Variants in PTPRD observed in about 807,000 individuals in gnomAD.
PTPRD encodes receptor-type tyrosine-protein phosphatase delta.
Under a neutral mutation model 214.5 loss-of-function variants are expected in PTPRD, and 34 were observed. The observed-to-expected ratio is 0.16, with a 90% confidence interval of 0.12 to 0.21. PTPRD has a LOEUF of 0.21. PTPRD is among the 10% of genes least tolerant of loss of function. The pLI is 1.00. For synonymous variants in PTPRD, 1,128 were observed against 845.7 expected, an observed-to-expected ratio of 1.33 and a Z score of -5.79; for missense variants, 2,545 against 2,398.7, an observed-to-expected ratio of 1.06 and a Z score of -1.27.
At chr9:9,919,635 C>T (rs189708061) in intron 5 of PTPRD, among the ~76,000 whole-genome samples, 1 of 152,230 alleles carries the variant, frequency 6.6e-6, no homozygotes, top group East Asian at 1.9e-4. Context: ...AAATTACAGA[C>T]TTTGGTAAGG....
chr9:9,636,857 G>A (rs1201346583), intron 7 of PTPRD, among the ~76,000 whole-genome samples: 1 of 152,078 alleles, frequency 6.6e-6, no homozygotes, highest in African/African-American at 2.4e-5. Context: ...TTGGAGGCTG[G>A]GAAGCCTAAG....
intron 8 of PTPRD, among the ~76,000 whole-genome samples, chr9:9,567,317 C>T (rs1013328072): frequency 2.6e-5 from 4 of 151,804 alleles, no homozygotes; most frequent in African/African-American, 9.7e-5. Context: ...GGTGAAGGCA[C>T]CAGATTGAGA....
At chr9:8,972,310 T>C (rs2099243379) in intron 11 of PTPRD, among the ~76,000 whole-genome samples, 2 of 151,874 alleles carry the variant, frequency 1.3e-5, no homozygotes, top group Non-Finnish European at 1.5e-5. Context: ...CTATTAGACA[T>C]GAATAAAATA....
chr9:9,931,838 T>G (rs2086734706), intron 5 of PTPRD, among the ~76,000 whole-genome samples: 3 of 150,930 alleles, frequency 2.0e-5, no homozygotes, highest in Admixed American at 2.0e-4. Context: ...TCTGACAGCT[T>G]TGAAGAGAGC....
At chr9:9,313,872 C>T (rs369480827) in intron 9 of PTPRD, among the ~76,000 whole-genome samples, 10 of 152,048 alleles carry the variant, frequency 6.6e-5, no homozygotes, top group African/African-American at 1.4e-4. Flanking sequence ...TTTAGTTTCA[C>T]GTGTTGATTT....
intron 12 of PTPRD, among the ~76,000 whole-genome samples, chr9:8,657,794 GT>G (rs891740961): frequency 2.6e-5 from 4 of 151,752 alleles, no homozygotes; most frequent in South Asian, 2.1e-4. Context: ...TGGCACATGG[GT>G]TTTTTTTAAA....
At chr9:10,522,916 T>C (rs867537797) in intron 2 of PTPRD, among the ~76,000 whole-genome samples, 3 of 152,030 alleles carry the variant, frequency 2.0e-5, no homozygotes, top group African/African-American at 7.2e-5. Flanking sequence ...ATTTCCTAAA[T>C]GAGAAGCTAG....
chr9:9,997,763 G>A (rs1357802925), intron 4 of PTPRD, among the ~76,000 whole-genome samples: 2 of 152,124 alleles, frequency 1.3e-5, no homozygotes, highest in East Asian at 3.9e-4. Flanking sequence ...GCTAATGTGG[G>A]TGATTAGAAA....
intron 5 of PTPRD, among the ~76,000 whole-genome samples, chr9:9,903,585 C>T (rs578057431): frequency 3.9e-5 from 6 of 152,162 alleles, no homozygotes; most frequent in African/African-American, 1.4e-4. Flanking sequence ...TGAGAAGCAG[C>T]TCTGTTAATA....
chr9:10,148,607 A>C (rs2099039942), intron 3 of PTPRD, among the ~76,000 whole-genome samples: 1 of 152,196 alleles, frequency 6.6e-6, no homozygotes, highest in African/African-American at 2.4e-5. Context: ...CAATTATATA[A>C]ATAGGTGCTA....
At chr9:9,261,012 C>T (rs2099979885) in intron 9 of PTPRD, among the ~76,000 whole-genome samples, 1 of 151,798 alleles carries the variant, frequency 6.6e-6, no homozygotes, top group Admixed American at 6.6e-5. Context: ...GCCATTGGTA[C>T]TGAAACTTAT....
At chr9:9,137,920 T>C (rs1003147868) in intron 10 of PTPRD, among the ~76,000 whole-genome samples, 3 of 152,156 alleles carry the variant, frequency 2.0e-5, no homozygotes, top group African/African-American at 7.2e-5. Context: ...TATATAATAT[T>C]TTGACTTTCC....
chr9:9,389,434 C>T (rs2065043574), intron 9 of PTPRD, among the ~76,000 whole-genome samples: 1 of 152,066 alleles, frequency 6.6e-6, no homozygotes. Context: ...TGCTTGAACC[C>T]GGGAGGCAGA....
chr9:9,798,963 A>G (rs2099021330), intron 5 of PTPRD, among the ~76,000 whole-genome samples: 1 of 152,170 alleles, frequency 6.6e-6, no homozygotes, highest in South Asian at 2.1e-4. Context: ...GTTCTCAAAA[A>G]TATTTTGAAA....
intron 33 of PTPRD, among the ~76,000 whole-genome samples, chr9:8,450,338 C>T (rs1385267109): frequency 1.3e-5 from 2 of 152,112 alleles, no homozygotes. Context: ...TCCCATAAGG[C>T]AGGTAAACAC....
chr9:8,361,537 G>A (rs552975528), intron 39 of PTPRD, among the ~76,000 whole-genome samples: 9 of 152,272 alleles, frequency 5.9e-5, no homozygotes, highest in East Asian at 5.8e-4. Flanking sequence ...ACCTGGAGTC[G>A]AGAAAGCAGT....
At chr9:8,778,497 A>G (rs1392346096) in intron 11 of PTPRD, among the ~76,000 whole-genome samples, 2 of 152,212 alleles carry the variant, frequency 1.3e-5, no homozygotes, top group African/African-American at 4.8e-5. Flanking sequence ...AATCTGCCCA[A>G]CACTGAAACT....
At chr9:8,738,636 A>C (rs899208200) in intron 11 of PTPRD, among the ~76,000 whole-genome samples, 2 of 152,164 alleles carry the variant, frequency 1.3e-5, no homozygotes, top group South Asian at 4.1e-4. Flanking sequence ...TAATAACTGC[A>C]AAGAACTACA....
chr9:8,378,614 C>T (rs1191806599), intron 37 of PTPRD, among the ~76,000 whole-genome samples: 1 of 152,072 alleles, frequency 6.6e-6, no homozygotes, highest in Non-Finnish European at 1.5e-5. Flanking sequence ...TTAACAGTCT[C>T]AGCTGGAGAG....
Sources: gnomAD v4.1 joint callset for allele counts (sites outside exome capture counted in the v4.1 genomes callset) on GRCh38, gnomAD v4.1.1 for gene constraint, MANE v1.5 for transcripts, NCBI Gene and HGNC (gene_info 2026-07-23, HGNC 2026-07-21) for gene names.